OTUD3: variants seen among roughly 807,000 people sequenced by gnomAD.
OTUD3 encodes the protein OTU deubiquitinase 3.
A neutral mutation model predicts 46.2 loss-of-function variants in OTUD3; 24 were observed. The observed-to-expected ratio is 0.52, with a 90% CI of 0.38 to 0.73. The LOEUF (loss-of-function observed/expected upper bound fraction) is 0.73, where lower values mean the gene tolerates loss of function less well. Among genes scored for constraint, OTUD3 ranks in the 30% least tolerant of loss-of-function variants. The pLI is 0.00. For synonymous variants in OTUD3, 189 were observed against 195.4 expected (o/e 0.97, Z 0.27); for missense variants, 455 against 523.3 (o/e 0.87, Z 1.27).
intron 2 of OTUD3, among the ~76,000 whole-genome samples, chr1:19,892,523 AT>A (rs2045461537): frequency 6.6e-6 from 1 of 152,054 alleles, no homozygotes; most frequent in African/African-American, 2.4e-5. Context: ...TATCTTTAGG[AT>A]TATTCTTTTC....
chr1:19,899,104 C>G lies in OTUD3; in HGVS notation c.606+1442C>G, dbSNP rs548349527. Among the ~76,000 whole-genome samples the G allele has an allele frequency of 3.3e-5, 5 of 152,254 alleles. No individual in the cohort carries two copies. In the South Asian group the frequency reaches 1.0e-3, roughly 32 times the overall value. ...GGGATTACAGGTGTGAGCCATGGTG[C>G]CTGGCAATTTTAATTCTTGAATAGG... On this transcript the variant is annotated intron_variant, in intron 4 of 7. Coordinates refer to ENST00000375120, the MANE Select transcript of OTUD3 (RefSeq NM_015207.2).
At chr1:19,906,392 C>G in intron 6 of OTUD3, 40 bp from the exon 7 acceptor site, 1 of 1,591,338 alleles carries the variant, frequency 6.3e-7, no homozygotes, top group Middle Eastern at 1.7e-4. Flanking sequence ...CTGTGTAACT[C>G]TCAGGTTCTC....
rs2045281755 is a variant in OTUD3, at chr1:19,882,543, G to A, written c.30G>A (p.Arg10=). ...CCCGAAAGCAGGCGGCGAAGAGCCG[G>A]CCGGGCAGCGGCAGCCGGAAAGCCG... MSRKQAAKS[R]PGSGSRKAEA... Residue 10 remains arginine (R), a synonymous_variant, in exon 1 of 8, where the codon CGG becomes CGA. Transcript: ENST00000375120. 3.0e-6 allele frequency: 4 copies of A among 1,345,780 alleles called. No homozygotes were observed. The highest frequency in any genetic ancestry group is 3.8e-6 in the Non-Finnish European group (4 of 1,057,100). The allele number at this position is 1,345,780 out of a possible 1,614,324, so 83.4% of individuals were successfully genotyped here.
At position 19,912,585 on chromosome 1, in the gene OTUD3, C is replaced by T. The variant is rs2100344374; in HGVS notation, c.*4839C>T. The T allele has an allele frequency of 6.6e-6, 1 of 152,550 alleles. No homozygotes were observed. The highest frequency in any genetic ancestry group is 2.1e-4 in the South Asian group (1 of 4,828). 9.4% of individuals were successfully genotyped at this position (152,550 alleles called of 1,614,324 possible). On this transcript the variant is annotated 3_prime_UTR_variant, in exon 8 of 8. Coordinates refer to ENST00000375120, the MANE Select transcript of OTUD3 (RefSeq NM_015207.2). ...GAGGGGCCTTCTCTCTTTCTAATTG[C>T]ACTATACTTGTTCTAGCTTCAGTCT...
intron 4 of OTUD3, among the ~76,000 whole-genome samples, chr1:19,900,928 T>G (rs569885695): frequency 1.2e-3 from 173 of 148,354 alleles, no homozygotes; most frequent in African/African-American, 3.8e-3. Context: ...TTTTTTTTTT[T>G]TTTTTTTGAG....
chr1:19,882,907 C>G (rs2045292420), intron 1 of OTUD3, among the ~76,000 whole-genome samples, 173 bp downstream of exon 1: 1 of 152,240 alleles, frequency 6.6e-6, no homozygotes, highest in Non-Finnish European at 1.5e-5. Flanking sequence ...GCGGACAAGC[C>G]CCTCGCCCCG....
At position 19,882,498 on chromosome 1, in the gene OTUD3, A is replaced by T. The variant is rs1334962177; in HGVS notation, c.-16A>T. ...GCGCCTTTCCCTCCTGCCGCTGGGG[A>T]CTGCAGGCTAAGGCCATGTCCCGAA... On this transcript the variant is annotated 5_prime_UTR_variant, in exon 1 of 8. Coordinates refer to ENST00000375120, the MANE Select transcript of OTUD3 (RefSeq NM_015207.2). The T allele has an allele frequency of 7.4e-7, 1 of 1,354,252 alleles. No homozygotes were observed. Among genetic ancestry groups the T allele is most frequent in the Non-Finnish European group, 9.4e-7 (1 of 1,059,258 alleles). The allele number at this position is 1,354,252 out of a possible 1,614,324, so 83.9% of individuals were successfully genotyped here.
chr1:19,887,670 A>G (rs2045386574), intron 1 of OTUD3, among the ~76,000 whole-genome samples: 1 of 152,194 alleles, frequency 6.6e-6, no homozygotes, highest in Non-Finnish European at 1.5e-5. Context: ...TTATACAGGT[A>G]TAATTTTAAT....
At chr1:19,903,874 C>A (rs917876450) in intron 4 of OTUD3, among the ~76,000 whole-genome samples, 1 of 152,176 alleles carries the variant, frequency 6.6e-6, no homozygotes, top group African/African-American at 2.4e-5. Context: ...TCTTCAAGAC[C>A]AGCACCGTTT....
intron 4 of OTUD3, among the ~76,000 whole-genome samples, chr1:19,898,111 G>T (rs2045540905): frequency 6.6e-6 from 1 of 151,686 alleles, no homozygotes; most frequent in Non-Finnish European, 1.5e-5. Flanking sequence ...ACCATGCCCG[G>T]CTAATTTTGT....
chr1:19,897,203 C>A (rs548686839), intron 3 of OTUD3, among the ~76,000 whole-genome samples: 35 of 152,266 alleles, frequency 2.3e-4, no homozygotes, highest in Admixed American at 7.2e-4. Context: ...GCCCCTGGGC[C>A]TTCCCCTTGG....
At chr1:19,896,196 C>CA (rs1359363507) in intron 3 of OTUD3, among the ~76,000 whole-genome samples, 1 of 152,012 alleles carries the variant, frequency 6.6e-6, no homozygotes, top group Non-Finnish European at 1.5e-5. Context: ...GGCTTATACT[C>CA]ACACCATGGA....
chr1:19,904,917 G>A lies in OTUD3; in HGVS notation c.765G>A (p.Leu255=), dbSNP rs761180398. ...ATTTTAATTTAATAGTCCAGAACCTGGAAGCTGAAAATTATAATATTGAAT... is the reference window on the plus strand; with the variant it reads ...ATTTTAATTTAATAGTCCAGAACCTAGAAGCTGAAAATTATAATATTGAAT... ...CSDFNLIVQN[L]EAENYNIESA... The change falls in exon 6 of 8, where the codon CTG becomes CTA. Residue 255 remains leucine (L), a synonymous_variant. Coordinates refer to ENST00000375120, the MANE Select transcript of OTUD3 (RefSeq NM_015207.2). 1.9e-6 allele frequency: 3 copies of A among 1,588,834 alleles called. No homozygotes were observed. In the South Asian group the frequency reaches 3.4e-5, roughly 18 times the overall value.
chr1:19,890,614 G>C, intron 2 of OTUD3, 81 bp downstream of exon 2: 2 of 1,264,076 alleles, frequency 1.6e-6, no homozygotes, highest in Non-Finnish European at 2.3e-6. Context: ...CCCCCTCCCA[G>C]CCAAGGGTTT....
At chr1:19,896,282 A>T (rs968946320) in intron 3 of OTUD3, among the ~76,000 whole-genome samples, 3 of 152,256 alleles carry the variant, frequency 2.0e-5, no homozygotes, top group African/African-American at 7.2e-5. Context: ...TGTATGTAAC[A>T]TAGAATGTGA....
chr1:19,912,727 C>T lies in OTUD3; in HGVS notation c.*4981C>T, dbSNP rs2045748429. 1 of 152,312 alleles carries T rather than the reference C, an allele frequency of 6.6e-6. No individual in the cohort carries two copies. Among genetic ancestry groups the T allele is most frequent in the Non-Finnish European group, 1.5e-5 (1 of 68,040 alleles). 9.4% of individuals were successfully genotyped at this position (152,312 alleles called of 1,614,324 possible). A position where few individuals can be genotyped will look rare whatever the true frequency, so the allele number is the denominator to read the frequency against. ...TGTCTGATGTCCATAGTTCCTTCCC[C>T]CTAGATTGTTTCTTTCCACGGATTG... On this transcript the variant is annotated 3_prime_UTR_variant, in exon 8 of 8. Coordinates refer to ENST00000375120, the MANE Select transcript of OTUD3 (RefSeq NM_015207.2).
At chr1:19,890,335 G>A (rs747126853) in intron 1 of OTUD3, 50 bp from the exon 2 acceptor site, 18 of 1,574,564 alleles carry the variant, frequency 1.1e-5, no homozygotes, top group Middle Eastern at 1.7e-4. Context: ...TGTTTTAGAC[G>A]AACTAAGTTC....
chr1:19,900,448 C>T (rs1486481806), intron 4 of OTUD3, among the ~76,000 whole-genome samples: 4 of 151,980 alleles, frequency 2.6e-5, no homozygotes, highest in African/African-American at 9.7e-5. Context: ...CCTCGACCAC[C>T]CAAAGTGTTG....
intron 4 of OTUD3, among the ~76,000 whole-genome samples, chr1:19,902,466 A>C (rs757225979): frequency 3.8e-4 from 58 of 152,262 alleles, no homozygotes; most frequent in Non-Finnish European, 7.4e-4. Flanking sequence ...CGGCCTCCCA[A>C]AGTGCTGGGA....
Sources: allele counts gnomAD v4.1 joint callset (sites outside exome capture counted in the v4.1 genomes callset), GRCh38; gene constraint gnomAD v4.1.1; transcripts MANE v1.5; gene names NCBI Gene and HGNC (gene_info 2026-07-23, HGNC 2026-07-21).